The following TBCD variants were observed in gnomAD, a reference collection of about 807,000 sequenced individuals.
TBCD encodes the protein tubulin folding cofactor D, also known as tubulin-specific chaperone D.
A neutral mutation model predicts 169.3 loss-of-function variants in TBCD; 105 were observed. The observed-to-expected ratio is 0.62, with a 90% CI of 0.53 to 0.73. The LOEUF (loss-of-function observed/expected upper bound fraction) is 0.73. TBCD is among the 30% of genes least tolerant of loss of function. The probability of loss-of-function intolerance (pLI) is 0.00; values close to 1 mark genes in which losing one functional copy is unlikely to be tolerated. For synonymous variants in TBCD, 700 were observed against 643.9 expected (o/e 1.09, Z -1.32); for missense variants, 1,444 against 1,600.1 (o/e 0.90, Z 1.66).
intron 13 of TBCD, among the ~76,000 whole-genome samples, chr17:82,827,317 A>G (rs1473497042): frequency 6.6e-6 from 1 of 152,168 alleles, no homozygotes; most frequent in Non-Finnish European, 1.5e-5. Flanking sequence ...TTCCCATCGT[A>G]GTGTCCACTG....
intron 21 of TBCD, 138 bp from the exon 22 acceptor site, chr17:82,909,147 C>T (rs1163521080): frequency 4.8e-6 from 3 of 622,444 alleles, no homozygotes; most frequent in East Asian, 5.9e-5. Flanking sequence ...CCTCCGTCCT[C>T]AGCCCCCTAG....
chr17:82,787,776 A>T (rs1652940750), intron 7 of TBCD, among the ~76,000 whole-genome samples: 1 of 152,212 alleles, frequency 6.6e-6, no homozygotes, highest in East Asian at 1.9e-4. Flanking sequence ...GTTCCCTTGC[A>T]GTGAGGGTTT....
At chr17:82,822,252 G>A (rs1339732224) in intron 13 of TBCD, among the ~76,000 whole-genome samples, 3 of 152,248 alleles carry the variant, frequency 2.0e-5, no homozygotes, top group Non-Finnish European at 4.4e-5. Context: ...AGGGGACAGG[G>A]TTTGGAGGGA....
rs1313422909 is a variant in TBCD at position 82,807,604 on chromosome 17, A to G, written c.1088-4A>G. The G allele has an allele frequency of 2.0e-6, 3 of 1,527,256 alleles. No individual in the cohort carries two copies. The highest frequency in any genetic ancestry group is 1.3e-5 in the South Asian group (1 of 77,644). 94.6% of individuals were successfully genotyped at this position (1,527,256 alleles called of 1,614,324 possible). On this transcript the variant is annotated splice_region_variant and splice_polypyrimidine_tract_variant and intron_variant, in intron 10 of 38. Transcript: ENST00000355528. ...TGTCACGCATCACCTTCCTCTTCCT[A>G]CAGAGCAGCTGCTGGTCGGGCTGAA... is the stretch of plus-strand genomic sequence containing the variant.
intron 38 of TBCD, 63 bp from the exon 39 acceptor site, chr17:82,942,386 C>T (rs2063394092): frequency 4.3e-6 from 7 of 1,611,724 alleles, no homozygotes; most frequent in Non-Finnish European, 2.5e-6. Flanking sequence ...GGTGAGGGTC[C>T]CCTGGCTGGG....
intron 5 of TBCD, among the ~76,000 whole-genome samples, chr17:82,771,448 T>G (rs1172226116): frequency 6.6e-6 from 1 of 151,600 alleles, no homozygotes; most frequent in African/African-American, 2.4e-5. Flanking sequence ...AGATGGAGTC[T>G]TGCCCTGTCA....
At position 82,880,405 on chromosome 17, in the gene TBCD, C is replaced by T. The variant is rs1224874055; in HGVS notation, c.1476-3740C>T. 6.6e-6 allele frequency among the ~76,000 whole-genome samples: 1 copy of T among 152,200 alleles called. No individual in the cohort carries two copies. Among genetic ancestry groups the T allele is most frequent in the Admixed American group, 6.5e-5 (1 of 15,282 alleles). On this transcript the variant is annotated intron_variant, in intron 14 of 38. Coordinates refer to ENST00000355528, the MANE Select transcript of TBCD (RefSeq NM_005993.5). This position sits in a 1 kb window ranked among gnomAD's most constrained non-coding sequence, Gnocchi z 5.0. Reference sequence around the variant, plus strand: ...TCAACTGATTGCCAACCTTAATTCCCCTTTGTCAGGTAAAGGAACATGTTT... The same window carrying T: ...TCAACTGATTGCCAACCTTAATTCCTCTTTGTCAGGTAAAGGAACATGTTT...
At chr17:82,901,783 A>G (rs2059913498) in intron 18 of TBCD, among the ~76,000 whole-genome samples, 1 of 152,208 alleles carries the variant, frequency 6.6e-6, no homozygotes, top group Non-Finnish European at 1.5e-5. Context: ...CCCTCCCTTC[A>G]TTCGCTTACA....
chr17:82,875,651 G>A (rs966715353), intron 14 of TBCD, among the ~76,000 whole-genome samples: 3 of 152,178 alleles, frequency 2.0e-5, no homozygotes, highest in African/African-American at 7.2e-5. Flanking sequence ...TCTCTTCCTC[G>A]GGGGCAGGAT....
At chr17:82,931,527 C>G (rs1016656229) in intron 33 of TBCD, among the ~76,000 whole-genome samples, 6 of 152,206 alleles carry the variant, frequency 3.9e-5, no homozygotes, top group Admixed American at 3.3e-4. Flanking sequence ...CCTTGCCGTT[C>G]GCTCATTCCT....
chr17:82,790,177 C>T (rs1275789806), intron 7 of TBCD, among the ~76,000 whole-genome samples: 1 of 152,156 alleles, frequency 6.6e-6, no homozygotes, highest in East Asian at 1.9e-4. Context: ...GTGAAGTGTT[C>T]CCTCTGGAGG....
At chr17:82,868,416 C>T (rs948378599) in intron 13 of TBCD, among the ~76,000 whole-genome samples, 1 of 152,198 alleles carries the variant, frequency 6.6e-6, no homozygotes, top group East Asian at 1.9e-4. Flanking sequence ...CTGTGTGCAG[C>T]GCCCTGCGTC....
intron 34 of TBCD, among the ~76,000 whole-genome samples, chr17:82,934,357 T>C (rs1283177365): frequency 7.2e-6 from 1 of 138,736 alleles, no homozygotes; most frequent in South Asian, 2.5e-4. Flanking sequence ...TTTAATTTCT[T>C]AATGGGGCAT....
chr17:82,870,466 C>T (rs2057478775), intron 14 of TBCD, 86 bp downstream of exon 14: 1 of 1,475,858 alleles, frequency 6.8e-7, no homozygotes, highest in Non-Finnish European at 9.1e-7. Context: ...GTGTGCACAG[C>T]AGATGCTCGT....
chr17:82,832,325 T>G lies in TBCD; in HGVS notation c.1318+17391T>G. 6.2e-7 allele frequency: 1 copy of G among 1,614,214 alleles called. No individual in the cohort carries two copies. The highest frequency in any genetic ancestry group is 8.5e-7 in the Non-Finnish European group (1 of 1,180,024). ...GAGTTTTTACAAAGACCATACTTCA[T>G]GTGATTAAAAAGATGTGACTTCTCA... On this transcript the variant is annotated intron_variant, in intron 13 of 38. Transcript: ENST00000355528. This position sits in a 1 kb window ranked among gnomAD's most constrained non-coding sequence, Gnocchi z 4.9.
intron 13 of TBCD, among the ~76,000 whole-genome samples, chr17:82,847,145 AT>A (rs2055203429): frequency 2.6e-5 from 4 of 152,082 alleles, no homozygotes. Context: ...AGGTCAGGAG[AT>A]CGAGACCATC....
At chr17:82,928,922 G>C (rs1291787533) in intron 30 of TBCD, among the ~76,000 whole-genome samples, 191 bp from the exon 31 acceptor site, 1 of 152,194 alleles carries the variant, frequency 6.6e-6, no homozygotes, top group East Asian at 1.9e-4. Context: ...GGGATGTGAA[G>C]GTAACGGAGT....
chr17:82,934,249 T>G (rs2062441326), intron 34 of TBCD, among the ~76,000 whole-genome samples: 1 of 152,246 alleles, frequency 6.6e-6, no homozygotes, highest in Admixed American at 6.5e-5. Flanking sequence ...TGGCTCTGCC[T>G]TAACCTTCGG....
chr17:82,937,226 G>GTGCATCCCAGGCAGTGC, intron 34 of TBCD, 45 bp from the exon 35 acceptor site: 1 of 1,575,020 alleles, frequency 6.3e-7, no homozygotes. Flanking sequence ...GCATCCCGGG[G>GTGCATCCCAGGCAGTGC]CTGCCTGTGA....
Sources: gnomAD v4.1 joint callset for allele counts (sites outside exome capture counted in the v4.1 genomes callset) on GRCh38, gnomAD v4.1.1 for gene constraint, Gnocchi (gnomAD v3.1) non-coding constraint, MANE v1.5 for transcripts, NCBI Gene and HGNC (gene_info 2026-07-23, HGNC 2026-07-21) for gene names.